Variants in SMARCA2 observed in about 807,000 individuals in gnomAD.
SMARCA2 encodes SWI/SNF related BAF chromatin remodeling complex subunit ATPase 2.
A neutral mutation model predicts 199.8 loss-of-function variants in SMARCA2; 61 were observed. The ratio of observed to expected loss-of-function variants is 0.31; its 90% CI spans 0.25 to 0.38. The LOEUF is 0.38. Ranked by LOEUF, SMARCA2 falls within the 10% of genes least tolerant of loss-of-function variation. The pLI is 1.00. For synonymous variants in SMARCA2, 935 were observed against 732.0 expected (o/e 1.28, Z -4.48); for missense variants, 1,344 against 2,012.2 (o/e 0.67, Z 6.35).
In SMARCA2 at chr9:2,158,801, T is replaced by C. The variant is rs1054452314; in HGVS notation, c.3982-2885T>C. 9 of 628,872 alleles carry C rather than the reference T, an allele frequency of 1.4e-5. No homozygotes were observed. In the South Asian group the frequency reaches 2.9e-4, roughly 20 times the overall value. The allele number at this position is 628,872 out of a possible 1,614,324, so 39.0% of individuals were successfully genotyped here. ...GCAGGAGTAATCTTACTCTACTCTT[T>C]ATGTGCGAAAAGCATTGGGAAGTGT... On this transcript the variant is annotated intron_variant, in intron 27 of 33. Transcript: ENST00000349721.
chr9:2,084,013 A>G (rs1413926419), intron 16 of SMARCA2, 73 bp from the exon 17 acceptor site: 1 of 768,100 alleles, frequency 1.3e-6, no homozygotes, highest in Non-Finnish European at 2.3e-6. Flanking sequence ...GGCATCATTA[A>G]GCTATGAAAA....
chr9:2,099,831 T>A (rs992126102), intron 21 of SMARCA2, among the ~76,000 whole-genome samples: 1 of 152,150 alleles, frequency 6.6e-6, no homozygotes, highest in Non-Finnish European at 1.5e-5. Context: ...GGAAACAGTA[T>A]TTTTAACATG....
chr9:2,159,609 G>A (rs1451056998), intron 27 of SMARCA2: 1 of 518,446 alleles, frequency 1.9e-6, no homozygotes, highest in East Asian at 3.2e-5. Context: ...TCTGCTGCCT[G>A]GAATAATAAG....
intron 29 of SMARCA2, 106 bp from the exon 30 acceptor site, chr9:2,181,465 G>A (rs1827017304): frequency 3.0e-6 from 2 of 677,468 alleles, no homozygotes; most frequent in Admixed American, 2.5e-5. Flanking sequence ...ATATCTATAT[G>A]CGTGGAATAT....
rs768768775 is a variant in SMARCA2, at chr9:2,161,952, G to A, written c.4199+49G>A. 1.4e-6 allele frequency: 2 copies of A among 1,480,228 alleles called. No individual in the cohort carries two copies. Among genetic ancestry groups the A allele is most frequent in the South Asian group, 1.2e-5 (1 of 85,686 alleles). 91.7% of individuals were successfully genotyped at this position (1,480,228 alleles called of 1,614,324 possible). Reference sequence around the variant, plus strand: ...TGATCATCTCTCACCAAGACGCCGAGTGGCGCTCCCTGAGGAGCAGGAGTT... The same window carrying A: ...TGATCATCTCTCACCAAGACGCCGAATGGCGCTCCCTGAGGAGCAGGAGTT... On this transcript the variant is annotated intron_variant, in intron 28 of 33. Transcript: ENST00000349721. This position sits in a 1 kb window ranked among gnomAD's most constrained non-coding sequence, Gnocchi z 4.7.
At chr9:2,190,087 G>C (rs894596311) in intron 32 of SMARCA2, among the ~76,000 whole-genome samples, 1 of 152,132 alleles carries the variant, frequency 6.6e-6, no homozygotes, top group South Asian at 2.1e-4. Context: ...ATCCCAAATA[G>C]CTACCATGGA....
chr9:2,019,186 G>C (rs1323531804), intron 1 of SMARCA2, among the ~76,000 whole-genome samples: 2 of 151,926 alleles, frequency 1.3e-5, no homozygotes, highest in Admixed American at 1.3e-4. Flanking sequence ...TACCTTGGGG[G>C]CATCAGAGAG....
chr9:2,083,445 G>C (rs1264174944), intron 16 of SMARCA2, 32 bp downstream of exon 16: 3 of 1,424,556 alleles, frequency 2.1e-6, no homozygotes, highest in Admixed American at 1.9e-5. Context: ...TATAAATGTG[G>C]AAAAGCAAAA....
intron 32 of SMARCA2, 91 bp downstream of exon 32, chr9:2,186,319 G>A: frequency 7.4e-7 from 1 of 1,350,312 alleles, no homozygotes; most frequent in South Asian, 1.4e-5. Flanking sequence ...ACTTTAGAGT[G>A]GGGCAGATCT....
chr9:2,050,665 T>A (rs532881739), intron 5 of SMARCA2, among the ~76,000 whole-genome samples: 1 of 151,608 alleles, frequency 6.6e-6, no homozygotes, highest in South Asian at 2.1e-4. Context: ...GCCATTGCAA[T>A]CCTGAAAATT....
At chr9:2,072,587 C>T (rs1000558171) in intron 10 of SMARCA2, among the ~76,000 whole-genome samples, 2 of 152,174 alleles carry the variant, frequency 1.3e-5, no homozygotes, top group African/African-American at 4.8e-5. Flanking sequence ...AGTTATAATA[C>T]CTTTTCTGTT....
chr9:2,175,467 C>G (rs1826519675), intron 29 of SMARCA2, among the ~76,000 whole-genome samples: 1 of 152,120 alleles, frequency 6.6e-6, no homozygotes, highest in African/African-American at 2.4e-5. Flanking sequence ...CATATTAAAA[C>G]TTTTGTGTAA....
chr9:2,169,351 G>T lies in SMARCA2; in HGVS notation c.4200-1068G>T, dbSNP rs1357410396. On this transcript the variant is annotated intron_variant, in intron 28 of 33. Transcript: ENST00000349721. This position sits in a 1 kb window ranked among gnomAD's most constrained non-coding sequence, Gnocchi z 6.5. The stretch of plus-strand genomic sequence containing the variant: ...ACAGCGGCCCCGTTGCCTACCCGAT[G>T]ATGACCAGACTTCTTAGCGTAGGAG... 6.6e-6 allele frequency among the ~76,000 whole-genome samples: 1 copy of T among 152,180 alleles called. No homozygotes were observed. Among genetic ancestry groups the T allele is most frequent in the African/African-American group, 2.4e-5 (1 of 41,452 alleles).
chr9:2,165,068 T>A (rs188871916), intron 28 of SMARCA2, among the ~76,000 whole-genome samples: 8 of 152,348 alleles, frequency 5.3e-5, no homozygotes, highest in Non-Finnish European at 1.0e-4. Flanking sequence ...CTGGGAGATG[T>A]ACATTTCACT....
chr9:2,130,053 C>T (rs562423347), intron 27 of SMARCA2, among the ~76,000 whole-genome samples: 1 of 152,142 alleles, frequency 6.6e-6, no homozygotes, highest in African/African-American at 2.4e-5. Flanking sequence ...GGGGTTTTGC[C>T]CCATTTGCCA....
At chr9:2,058,494 A>G (rs1405939977) in intron 8 of SMARCA2, 30 bp downstream of exon 8, 5 of 1,599,590 alleles carry the variant, frequency 3.1e-6, no homozygotes, top group Non-Finnish European at 4.3e-6. Flanking sequence ...AGCCCAGGAA[A>G]CTACTCAACC....
At chr9:2,149,063 T>C (rs10811533) in intron 27 of SMARCA2, among the ~76,000 whole-genome samples, 78,537 of 150,782 alleles carry the variant, frequency 0.52, 25,058 homozygotes, top group Non-Finnish European at 0.67. Flanking sequence ...TGTATTAGTC[T>C]GTTTTCACAC....
chr9:2,172,596 AG>A (rs1826315487), intron 29 of SMARCA2, among the ~76,000 whole-genome samples: 1 of 152,160 alleles, frequency 6.6e-6, no homozygotes, highest in Admixed American at 6.5e-5. Context: ...GAGAAGCCTG[AG>A]AACAGATCCC....
intron 9 of SMARCA2, among the ~76,000 whole-genome samples, chr9:2,069,428 G>C (rs965194732): frequency 6.6e-6 from 1 of 151,628 alleles, no homozygotes; most frequent in Non-Finnish European, 1.5e-5. Context: ...GCGTGGTGGC[G>C]GTCGCCTGTA....
Sources: gnomAD v4.1 joint callset for allele counts (sites outside exome capture counted in the v4.1 genomes callset) on GRCh38, gnomAD v4.1.1 for gene constraint, Gnocchi (gnomAD v3.1) non-coding constraint, MANE v1.5 for transcripts, NCBI Gene and HGNC (gene_info 2026-07-23, HGNC 2026-07-21) for gene names.